The following PRRT3 variants were observed in gnomAD, a reference collection of about 807,000 sequenced individuals.
PRRT3 encodes proline rich transmembrane protein 3, also known as proline-rich transmembrane protein 3.
Under a neutral mutation model 56.6 loss-of-function variants are expected in PRRT3, and 48 were observed. That is an observed-to-expected ratio of 0.85 (90% CI 0.67 to 1.08). PRRT3 has a LOEUF of 1.08. PRRT3 is among the 50% of genes least tolerant of loss of function. The pLI is 0.00. For synonymous variants in PRRT3, 641 were observed against 619.1 expected (o/e 1.04, Z -0.52); for missense variants, 1,370 against 1,353.1 (o/e 1.01, Z -0.20).
In PRRT3 at chr3:9,946,279, C is replaced by T. The variant is rs1170803428; in HGVS notation, c.2894G>A (p.Arg965His). The T allele has an allele frequency of 1.2e-6, 2 of 1,612,674 alleles. No homozygotes were observed. The highest frequency in any genetic ancestry group is 2.2e-5 in the South Asian group (2 of 90,986). ...QGDGQGEVQPRGKPGESRSAS... is the reference protein window; with the variant it reads ...QGDGQGEVQPHGKPGESRSAS... ...GCTGCGGGATTCCCCAGGCTTGCCG[C>T]GCGGCTGGACCTCTCCCTGGCCGTC... is the stretch of plus-strand genomic sequence containing the variant. The change falls in exon 4 of 4, where the codon CGC becomes CAC. Residue 965 changes from arginine to histidine, a missense_variant. Physicochemically the swap from Arg to His is conservative, Grantham distance 29 (BLOSUM62 0). Transcript: ENST00000412055. This position sits in a 1 kb window ranked among gnomAD's most constrained non-coding sequence, Gnocchi z 4.1.
Position 9,946,247 on chromosome 3 carries a change from T to TG in PRRT3, c.2925dup (p.Ser976GlnfsTer2), listed in dbSNP as rs1559341161. ...GCTCTTCAAAGCTCGATGGTATCACTGGAGGCGCTGCGGGATTCCCCAGGC... is the reference window on the plus strand; with the variant it reads ...GCTCTTCAAAGCTCGATGGTATCACTGGGAGGCGCTGCGGGATTCCCCAGGC... On this transcript the variant is annotated frameshift_variant, in exon 4 of 4. Coordinates refer to ENST00000412055, the MANE Select transcript of PRRT3 (RefSeq NM_207351.5). LOFTEE classifies it high-confidence loss of function. The surrounding 1 kb of genome is among the most constrained non-coding windows in gnomAD (Gnocchi z 4.1). The TG allele has an allele frequency of 2.5e-6, 4 of 1,612,626 alleles. No individual in the cohort carries two copies. The highest frequency in any genetic ancestry group is 3.4e-6 in the Non-Finnish European group (4 of 1,179,798).
rs757300680 is a variant in PRRT3 at position 9,947,367 on chromosome 3, C to T, written c.1806G>A (p.Gln602=). ...STWSVLNLLT[Q]GLSCAWGAAV... ...CCGCGCCCCAGGCGCACGACAAGCCCTGCGTCAGGAGGTTGAGCACAGACC... is the reference window on the plus strand; with the variant it reads ...CCGCGCCCCAGGCGCACGACAAGCCTTGCGTCAGGAGGTTGAGCACAGACC... Residue 602 remains glutamine (Q), a synonymous_variant, in exon 4 of 4, where the codon CAG becomes CAA. Transcript: ENST00000412055. This position sits in a 1 kb window ranked among gnomAD's most constrained non-coding sequence, Gnocchi z 9.2. 1 of 1,611,708 alleles carries T rather than the reference C, an allele frequency of 6.2e-7. No homozygotes were observed. The highest frequency in any genetic ancestry group is 1.7e-5 in the Admixed American group (1 of 59,970).
At position 9,946,531 on chromosome 3, in the gene PRRT3, C is replaced by T. The variant is rs372252576; in HGVS notation, c.2642G>A (p.Arg881His). ...RCRSLSDVRV[R>H]GPVPQHVVEA... Reference sequence around the variant, plus strand: ...CACTACGTGCTGTGGGACCGGCCCGCGCACGCGCACGTCGCTGAGCGACCT... The same window carrying T: ...CACTACGTGCTGTGGGACCGGCCCGTGCACGCGCACGTCGCTGAGCGACCT... Residue 881 changes from arginine (R) to histidine (H), a missense_variant, in exon 4 of 4, where the codon CGC becomes CAC. Transcript: ENST00000412055. This position sits in a 1 kb window ranked among gnomAD's most constrained non-coding sequence, Gnocchi z 4.1. The T allele has an allele frequency of 2.5e-5, 37 of 1,467,702 alleles. No homozygotes were observed. The highest frequency in any genetic ancestry group is 3.1e-5 in the Non-Finnish European group (34 of 1,107,664). 90.9% of individuals were successfully genotyped at this position (1,467,702 alleles called of 1,614,324 possible).
Position 9,949,158 on chromosome 3 carries a change from C to T in PRRT3, c.958G>A (p.Gly320Arg). Residue 320 changes from glycine (G) to arginine (R), a missense_variant, in exon 2 of 4, where the codon GGA (glycine) becomes AGA (arginine). Transcript: ENST00000412055. This position sits in a 1 kb window ranked among gnomAD's most constrained non-coding sequence, Gnocchi z 4.5. The stretch of plus-strand genomic sequence containing the variant: ...GCGGGTGGATCCGTGGGCTGGGGTC[C>T]TGGTGAATCCTTAGCGTCAGGAAGG... ...ADLPDAKDSP[G>R]PQPTDPPASE... 6.2e-7 allele frequency: 1 copy of T among 1,612,240 alleles called. No individual in the cohort carries two copies. Among genetic ancestry groups the T allele is most frequent in the South Asian group, 1.1e-5 (1 of 90,966 alleles).
In PRRT3 at chr3:9,945,904, G is replaced by A. The variant is rs544920640; in HGVS notation, c.*323C>T. On this transcript the variant is annotated 3_prime_UTR_variant, in exon 4 of 4. Transcript: ENST00000412055. The stretch of plus-strand genomic sequence containing the variant: ...GGCTGGAGTGCAATGGCGTGGTCTC[G>A]GCTCACTGCAACCTCTGCCTCCCTG... 1.1e-5 allele frequency: 2 copies of A among 178,840 alleles called. No homozygotes were observed. The highest frequency in any genetic ancestry group is 2.5e-5 in the African/African-American group (1 of 39,782). The allele number at this position is 178,840 out of a possible 1,614,324, so 11.1% of individuals were successfully genotyped here. A position where few individuals can be genotyped will look rare whatever the true frequency, so the allele number is the denominator to read the frequency against.
intron 3 of PRRT3, chr3:9,948,370 T>G (rs2124880507): frequency 2.7e-6 from 1 of 366,018 alleles, no homozygotes; most frequent in Non-Finnish European, 4.8e-6. Flanking sequence ...CACTCTGTCA[T>G]CCAGGCTGGT....
Position 9,947,208 on chromosome 3 carries a change from CAGCTGCAAGCCGCT to C in PRRT3, c.1951_1964del (p.Ser651GlyfsTer59). On this transcript the variant is annotated frameshift_variant, in exon 4 of 4. Coordinates refer to ENST00000412055, the MANE Select transcript of PRRT3 (RefSeq NM_207351.5). LOFTEE classifies it high-confidence loss of function. The surrounding 1 kb of genome is among the most constrained non-coding windows in gnomAD (Gnocchi z 9.2). ...CCGGGTACAGCCAGAGCGCAGCCGC[CAGCTGCAAGCCGCT>C]AGCCAGCAGCCCCAGCGCGCCCGCC... 3 of 1,518,096 alleles carry C rather than the reference CAGCTGCAAGCCGCT, an allele frequency of 2.0e-6. No homozygotes were observed. The highest frequency in any genetic ancestry group is 2.6e-6 in the Non-Finnish European group (3 of 1,139,802). The allele number at this position is 1,518,096 out of a possible 1,614,324, so 94.0% of individuals were successfully genotyped here.
At chr3:9,948,467 C>T in intron 3 of PRRT3, 3 of 479,054 alleles carry the variant, frequency 6.3e-6, no homozygotes, top group Non-Finnish European at 1.1e-5. Context: ...GCTGGGACTA[C>T]AGGTATGCAC....
Position 9,946,392 on chromosome 3 carries a change from G to C in PRRT3, c.2781C>G (p.Asp927Glu). 6.2e-7 allele frequency: 1 copy of C among 1,607,590 alleles called. No homozygotes were observed. Among genetic ancestry groups the C allele is most frequent in the Non-Finnish European group, 8.5e-7 (1 of 1,176,274 alleles). The change falls in exon 4 of 4, where the codon GAC (aspartate) becomes GAG (glutamate). Residue 927 changes from aspartate (D) to glutamate (E), a missense_variant. By Grantham distance (45) the Asp-to-Glu change is conservative. Transcript: ENST00000412055. This position sits in a 1 kb window ranked among gnomAD's most constrained non-coding sequence, Gnocchi z 4.1. ...NPWRHGLSSV[D>E]SLPLDELPST... The stretch of plus-strand genomic sequence containing the variant: ...TGGGCAACTCATCTAGGGGCAGACT[G>C]TCCACTGATGACAGCCCGTGGCGCC...
At position 9,949,049 on chromosome 3, in the gene PRRT3, T is replaced by A; in HGVS notation, c.1015+52A>T. The A allele has an allele frequency of 2.0e-6, 3 of 1,534,148 alleles. No individual in the cohort carries two copies. The highest frequency in any genetic ancestry group is 2.6e-6 in the Non-Finnish European group (3 of 1,146,856). On this transcript the variant is annotated intron_variant, in intron 2 of 3. Transcript: ENST00000412055. The surrounding 1 kb of genome is among the most constrained non-coding windows in gnomAD (Gnocchi z 4.5). Reference sequence around the variant, plus strand: ...AGAGGGACCCAGGGTCAAACAGAATTGAGGCATCCAGCTGCCCCAGAACAT... The same window carrying A: ...AGAGGGACCCAGGGTCAAACAGAATAGAGGCATCCAGCTGCCCCAGAACAT...
chr3:9,946,267 C>A lies in PRRT3; in HGVS notation c.2906G>T (p.Gly969Val). The A allele has an allele frequency of 6.2e-7, 1 of 1,612,758 alleles. No individual in the cohort carries two copies. Among genetic ancestry groups the A allele is most frequent in the Non-Finnish European group, 8.5e-7 (1 of 1,179,848 alleles). Residue 969 changes from glycine (G) to valine (V), a missense_variant, in exon 4 of 4, where the codon GGG becomes GTG. Physicochemically the swap from Gly to Val is moderately radical, Grantham distance 109. Transcript: ENST00000412055. The surrounding 1 kb of genome is among the most constrained non-coding windows in gnomAD (Gnocchi z 4.1). ...QGEVQPRGKPGESRSASSDTI... is the reference protein window; with the variant it reads ...QGEVQPRGKPVESRSASSDTI... ...ATCACTGGAGGCGCTGCGGGATTCC[C>A]CAGGCTTGCCGCGCGGCTGGACCTC...
chr3:9,950,272 C>G (rs2085603620), intron 1 of PRRT3, 100 bp from the exon 2 acceptor site: 1 of 461,158 alleles, frequency 2.2e-6, no homozygotes, highest in Non-Finnish European at 3.6e-6. Context: ...AAGGCAGCAG[C>G]TTCTCTGCTT....
In PRRT3 at chr3:9,950,077, C is replaced by T; in HGVS notation, c.39G>A (p.Leu13=). 2 of 1,508,572 alleles carry T rather than the reference C, an allele frequency of 1.3e-6. No individual in the cohort carries two copies. Among genetic ancestry groups the T allele is most frequent in the Non-Finnish European group, 8.8e-7 (1 of 1,131,082 alleles). 93.4% of individuals were successfully genotyped at this position (1,508,572 alleles called of 1,614,324 possible). ...TCCCCAGGAGTGGCAGCAGCAACAG[C>T]AGAAGGCCACATACACAGCCCCATG... ...SSPWGCVCGL[L]LLLLPLLGTG... The change falls in exon 2 of 4, where the codon CTG becomes CTA. Residue 13 remains leucine (L), a synonymous_variant. Coordinates refer to ENST00000412055, the MANE Select transcript of PRRT3 (RefSeq NM_207351.5).
At chr3:9,948,274 A>G (rs1033578806) in intron 3 of PRRT3, 1 of 369,778 alleles carries the variant, frequency 2.7e-6, no homozygotes, top group Non-Finnish European at 4.8e-6. Flanking sequence ...TGCATATTAG[A>G]ATCTTCTGGA....
In PRRT3 at chr3:9,949,591, T is replaced by C. The variant is rs1199803605; in HGVS notation, c.525A>G (p.Glu175=). 3 of 1,614,126 alleles carry C rather than the reference T, an allele frequency of 1.9e-6. No individual in the cohort carries two copies. The highest frequency in any genetic ancestry group is 2.5e-6 in the Non-Finnish European group (3 of 1,180,044). The part of the protein sequence containing the change: ...VATVPPSLQH[E]GQEGQWPPRD... ...TAGGTGGCCACTGTCCCTCTTGGCC[T>C]TCATGCTGCAGGGAGGGAGGAACTG... The change falls in exon 2 of 4, where the codon GAA becomes GAG. Residue 175 remains glutamate (E), a synonymous_variant. Coordinates refer to ENST00000412055, the MANE Select transcript of PRRT3 (RefSeq NM_207351.5). This position sits in a 1 kb window ranked among gnomAD's most constrained non-coding sequence, Gnocchi z 4.5.
At position 9,946,107 on chromosome 3, in the gene PRRT3, A is replaced by G; in HGVS notation, c.*120T>C. On this transcript the variant is annotated 3_prime_UTR_variant, in exon 4 of 4. Coordinates refer to ENST00000412055, the MANE Select transcript of PRRT3 (RefSeq NM_207351.5). The surrounding 1 kb of genome is among the most constrained non-coding windows in gnomAD (Gnocchi z 4.1). ...CACCTCGGCCTCCCAAAGTGCTGGG[A>G]TTCCTGGCGTGAGCCACCGCGCCTG... is the stretch of plus-strand genomic sequence containing the variant. 7.1e-7 allele frequency: 1 copy of G among 1,417,042 alleles called. No homozygotes were observed. Among genetic ancestry groups the G allele is most frequent in the Non-Finnish European group, 9.3e-7 (1 of 1,076,028 alleles). The allele number at this position is 1,417,042 out of a possible 1,614,324, so 87.8% of individuals were successfully genotyped here.
In PRRT3 at chr3:9,947,202, A is replaced by G. The variant is rs902260843; in HGVS notation, c.1971T>C (p.Ala657=). The G allele has an allele frequency of 5.4e-5, 82 of 1,521,178 alleles. No individual in the cohort carries two copies. The highest frequency in any genetic ancestry group is 7.0e-5 in the Non-Finnish European group (80 of 1,141,108). 94.2% of individuals were successfully genotyped at this position (1,521,178 alleles called of 1,614,324 possible). A position where few individuals can be genotyped will look rare whatever the true frequency, so the allele number is the denominator to read the frequency against. The part of the protein sequence containing the change: ...GLLASGLQLA[A]ALWLYPGPGR... Reference sequence around the variant, plus strand: ...CTGGGCCCGGGTACAGCCAGAGCGCAGCCGCCAGCTGCAAGCCGCTAGCCA... The same window carrying G: ...CTGGGCCCGGGTACAGCCAGAGCGCGGCCGCCAGCTGCAAGCCGCTAGCCA... Residue 657 remains alanine, a synonymous_variant, in exon 4 of 4, where the codon GCT becomes GCC. Coordinates refer to ENST00000412055, the MANE Select transcript of PRRT3 (RefSeq NM_207351.5). This position sits in a 1 kb window ranked among gnomAD's most constrained non-coding sequence, Gnocchi z 9.2.
Position 9,949,263 on chromosome 3 carries a change from G to A in PRRT3, c.853C>T (p.Pro285Ser). 2 of 1,603,790 alleles carry A rather than the reference G, an allele frequency of 1.2e-6. No individual in the cohort carries two copies. The highest frequency in any genetic ancestry group is 1.7e-6 in the Non-Finnish European group (2 of 1,173,796). Reference sequence around the variant, plus strand: ...CCAGCCCTCTTGGGGGTCTCAACCGGCAGCTCCTCAGCAGGAGGAAGGCTT... The same window carrying A: ...CCAGCCCTCTTGGGGGTCTCAACCGACAGCTCCTCAGCAGGAGGAAGGCTT... ...ARSLPPAEELPVETPKRAGAE... is the reference protein window; with the variant it reads ...ARSLPPAEELSVETPKRAGAE... Residue 285 changes from proline (P) to serine (S), a missense_variant, in exon 2 of 4, where the codon CCG (proline) becomes TCG (serine). Coordinates refer to ENST00000412055, the MANE Select transcript of PRRT3 (RefSeq NM_207351.5). The surrounding 1 kb of genome is among the most constrained non-coding windows in gnomAD (Gnocchi z 4.5).
rs771408761 is a variant in PRRT3 at position 9,947,610 on chromosome 3, C to T, written c.1563G>A (p.Met521Ile). The T allele has an allele frequency of 6.3e-7, 1 of 1,595,200 alleles. No individual in the cohort carries two copies. Among genetic ancestry groups the T allele is most frequent in the Non-Finnish European group, 8.5e-7 (1 of 1,170,506 alleles). Residue 521 changes from methionine to isoleucine, a missense_variant, in exon 4 of 4, where the codon ATG becomes ATA. Physicochemically the swap from Met to Ile is conservative, Grantham distance 10. Transcript: ENST00000412055. The surrounding 1 kb of genome is among the most constrained non-coding windows in gnomAD (Gnocchi z 9.2). ...LVASALRSAY[M>I]LTDPYGSQAR... ...CCTGCGAGCCGTAAGGGTCGGTAAGCATGTAGGCGGATCGCAGCGCCGAAG... is the reference window on the plus strand; with the variant it reads ...CCTGCGAGCCGTAAGGGTCGGTAAGTATGTAGGCGGATCGCAGCGCCGAAG...
Sources: gnomAD v4.1 joint callset for allele counts on GRCh38, gnomAD v4.1.1 for gene constraint, Gnocchi (gnomAD v3.1) non-coding constraint, MANE v1.5 for transcripts, NCBI Gene and HGNC (gene_info 2026-07-23, HGNC 2026-07-21) for gene names.